The following SON variants were observed in gnomAD, a reference collection of about 807,000 sequenced individuals.
SON encodes protein SON.
In SON, 4 loss-of-function variants were observed where a neutral mutation model predicts 173.3. The observed-to-expected ratio is 0.02, with a 90% CI of 0.01 to 0.05. SON has a LOEUF of 0.05. SON is among the 10% of genes least tolerant of loss of function. The pLI is 1.00. For synonymous variants in SON, 1,190 were observed against 1,105.9 expected (o/e 1.08, Z -1.51); for missense variants, 2,626 against 3,055.3 (o/e 0.86, Z 3.31).
intron 8 of SON, chr21:33,569,699 GCT>G (rs2086243402): frequency 7.0e-6 from 3 of 426,998 alleles, no homozygotes; most frequent in Middle Eastern, 6.9e-4. Context: ...CCTAGTATTA[GCT>G]CTGCATGTGG....
chr21:33,547,746 G>A (rs1409495096), intron 2 of SON, among the ~76,000 whole-genome samples: 20 of 114,526 alleles, frequency 1.7e-4, no homozygotes, highest in African/African-American at 5.2e-4. Flanking sequence ...ACGGAGTCTC[G>A]CTCTGACGCC....
chr21:33,566,954 G>A (rs2086185430), intron 6 of SON, among the ~76,000 whole-genome samples: 1 of 152,124 alleles, frequency 6.6e-6, no homozygotes, highest in Non-Finnish European at 1.5e-5. Flanking sequence ...TGCGACCTGT[G>A]TGATACTTTG....
Position 33,554,326 on chromosome 21 carries a change from A to G in SON, c.5095A>G (p.Lys1699Glu), listed in dbSNP as rs1197443705. Residue 1699 changes from lysine (K) to glutamate (E), a missense_variant, in exon 3 of 12, where the codon AAA (lysine) becomes GAA (glutamate). Around this residue, in one of 13 missense-constraint regions of SON, gnomAD observed 1,006 missense variants for 895.6 expected, o/e 1.12. Coordinates refer to ENST00000356577, the MANE Select transcript of SON (RefSeq NM_138927.4). ...DQTLAALLSPKESSGGEKEVP... is the reference protein window; with the variant it reads ...DQTLAALLSPEESSGGEKEVP... ...GACATTAGCAGCTCTGCTCAGCCCT[A>G]AAGAAAGTAGTGGAGGAGAAAAAGA... The G allele has an allele frequency of 6.2e-7, 1 of 1,614,180 alleles. No individual in the cohort carries two copies. Among genetic ancestry groups the G allele is most frequent in the East Asian group, 2.2e-5 (1 of 44,884 alleles).
chr21:33,573,577 G>GA (rs2086334473), intron 9 of SON, 122 bp downstream of exon 9: 1 of 789,052 alleles, frequency 1.3e-6, no homozygotes, highest in Non-Finnish European at 1.9e-6. Flanking sequence ...GTATTTGTCA[G>GA]AAAAAACATT....
At chr21:33,574,527 C>T (rs1178316267) in intron 9 of SON, among the ~76,000 whole-genome samples, 1 of 152,142 alleles carries the variant, frequency 6.6e-6, no homozygotes, top group Admixed American at 6.5e-5. Flanking sequence ...CTGTAACATA[C>T]AGGATGAGCA....
chr21:33,559,407 C>A lies in SON; in HGVS notation c.6468+31C>A. On this transcript the variant is annotated intron_variant, in intron 5 of 11. Transcript: ENST00000356577. This position sits in a 1 kb window ranked among gnomAD's most constrained non-coding sequence, Gnocchi z 4.1. ...TATTAGTGCTTATGGATTGGTAAAA[C>A]AGTGTAACTTGTGGAACTATTTAAA... 1 of 1,567,548 alleles carries A rather than the reference C, an allele frequency of 6.4e-7. No individual in the cohort carries two copies.
chr21:33,550,794 G>A lies in SON; in HGVS notation c.1563G>A (p.Thr521=), dbSNP rs772386798. The part of the protein sequence containing the change: ...TELEQPVGMT[T]VEHPGHPEVT... ...TGGAGCAGCCTGTGGGGATGACAAC[G>A]GTGGAACATCCTGGGCATCCTGAGG... Residue 521 remains threonine (T), a synonymous_variant, in exon 3 of 12, where the codon ACG becomes ACA. Coordinates refer to ENST00000356577, the MANE Select transcript of SON (RefSeq NM_138927.4). The A allele has an allele frequency of 3.0e-5, 49 of 1,614,070 alleles. No homozygotes were observed. The Admixed American group carries it at 3.7e-4, about 12-fold the overall frequency.
At position 33,549,618 on chromosome 21, in the gene SON, T is replaced by C. The variant is rs74875843; in HGVS notation, c.387T>C (p.Tyr129=). 1.2e-6 allele frequency: 2 copies of C among 1,601,226 alleles called. No homozygotes were observed. Among genetic ancestry groups the C allele is most frequent in the African/African-American group, 1.4e-5 (1 of 73,812 alleles). Residue 129 remains tyrosine (Y), a synonymous_variant, in exon 3 of 12, where the codon TAT becomes TAC. Coordinates refer to ENST00000356577, the MANE Select transcript of SON (RefSeq NM_138927.4). ...AGAAGAAAGAAAAGGAAAAAAAATA[T>C]AAAAGACAGCCAGAAGAATCTGAGT... The part of the protein sequence containing the change: ...KKKKKEKEKK[Y]KRQPEESESK...
At chr21:33,556,808 GA>G (rs1302449717) in intron 3 of SON, among the ~76,000 whole-genome samples, 1 of 151,626 alleles carries the variant, frequency 6.6e-6, no homozygotes, top group Non-Finnish European at 1.5e-5. Flanking sequence ...TTTGTGAAAT[GA>G]AATAGGCTTT....
intron 2 of SON, 75 bp from the exon 3 acceptor site, chr21:33,549,400 TA>T: frequency 7.8e-7 from 1 of 1,285,340 alleles, no homozygotes; most frequent in Non-Finnish European, 1.1e-6. Flanking sequence ...ACATGGAATG[TA>T]AATATGGGTT....
intron 7 of SON, among the ~76,000 whole-genome samples, chr21:33,567,785 T>C (rs890462899): frequency 6.6e-6 from 1 of 152,048 alleles, no homozygotes; most frequent in Non-Finnish European, 1.5e-5. Flanking sequence ...TGGTGTTGCA[T>C]GCCTGTAATG....
In SON at chr21:33,575,658, G is replaced by A; in HGVS notation, c.7096G>A (p.Asp2366Asn). Residue 2366 changes from aspartate (D) to asparagine (N), a missense_variant, in exon 10 of 12, where the codon GAT (aspartate) becomes AAT (asparagine). Around this residue, in one of 13 missense-constraint regions of SON, gnomAD observed 11 missense variants for 18.7 expected, o/e 0.59. Transcript: ENST00000356577. ...TGGGAACTTCTCTGCTGCAATGAAAGATCTGTCAGGTGAGAGCACGTTTTT... is the reference window on the plus strand; with the variant it reads ...TGGGAACTTCTCTGCTGCAATGAAAAATCTGTCAGGTGAGAGCACGTTTTT... Reference protein sequence around the residue: ...RSGNFSAAMKDLSGKHPVSAL... With the variant: ...RSGNFSAAMKNLSGKHPVSAL... 1 of 1,613,096 alleles carries A rather than the reference G, an allele frequency of 6.2e-7. No individual in the cohort carries two copies.
rs1218121779 is a variant in SON at position 33,549,333 on chromosome 21, A to T, written c.245-143A>T. On this transcript the variant is annotated intron_variant, in intron 2 of 11. Coordinates refer to ENST00000356577, the MANE Select transcript of SON (RefSeq NM_138927.4). ...CATGATCCACCTGCCTTGGCCTCTC[A>T]GAGTGCTAAGATTACAGGCGTGAGC... 4.9e-6 allele frequency: 3 copies of T among 608,384 alleles called. No homozygotes were observed. In the African/African-American group the frequency reaches 5.8e-5, roughly 12 times the overall value. The allele number at this position is 608,384 out of a possible 1,614,324, so 37.7% of individuals were successfully genotyped here. A position where few individuals can be genotyped will look rare whatever the true frequency, so the allele number is the denominator to read the frequency against.
chr21:33,543,925 T>A (rs2085541093), intron 1 of SON, among the ~76,000 whole-genome samples: 1 of 152,248 alleles, frequency 6.6e-6, no homozygotes, highest in Non-Finnish European at 1.5e-5. Flanking sequence ...AGACTTTACA[T>A]AATTTGCGCT....
chr21:33,550,134 G>C lies in SON; in HGVS notation c.903G>C (p.Glu301Asp). ...AGCCCCCAGTAGCAAAAGTGTTAGA[G>C]CCTTCAGAAACCCTTGTGGTATCAT... ...LVEPPVAKVL[E>D]PSETLVVSSE... The change falls in exon 3 of 12, where the codon GAG becomes GAC. Residue 301 changes from glutamate (E) to aspartate (D), a missense_variant. Transcript: ENST00000356577. 1 of 1,614,176 alleles carries C rather than the reference G, an allele frequency of 6.2e-7. No homozygotes were observed. The highest frequency in any genetic ancestry group is 8.5e-7 in the Non-Finnish European group (1 of 1,180,048).
rs781373122 is a variant in SON at position 33,554,892 on chromosome 21, A to C, written c.5661A>C (p.Ser1887=). The C allele has an allele frequency of 6.2e-7, 1 of 1,614,214 alleles. No homozygotes were observed. The highest frequency in any genetic ancestry group is 2.2e-5 in the East Asian group (1 of 44,894). Residue 1887 remains serine (S), a synonymous_variant, in exon 3 of 12, where the codon TCA becomes TCC. Coordinates refer to ENST00000356577, the MANE Select transcript of SON (RefSeq NM_138927.4). ...RSKSRGRRSV[S]KEKRKRSPKH... ...AGTCTAGAGGAAGAAGATCTGTATC[A>C]AAAGAGAAGCGCAAAAGATCTCCAA...
At chr21:33,545,549 C>T (rs1304358118) in intron 1 of SON, among the ~76,000 whole-genome samples, 1 of 152,038 alleles carries the variant, frequency 6.6e-6, no homozygotes, top group Non-Finnish European at 1.5e-5. Context: ...TTTCTCTGGC[C>T]CTGTGAATGG....
At chr21:33,561,519 C>G (rs958972293) in intron 6 of SON, among the ~76,000 whole-genome samples, 3 of 152,084 alleles carry the variant, frequency 2.0e-5, no homozygotes, top group Non-Finnish European at 4.4e-5. Context: ...TTGCAGAATT[C>G]CAAGGGATCT....
chr21:33,555,158 G>T lies in SON; in HGVS notation c.5927G>T (p.Arg1976Leu). 6.6e-7 allele frequency: 1 copy of T among 1,515,614 alleles called. No homozygotes were observed. The highest frequency in any genetic ancestry group is 2.7e-5 in the East Asian group (1 of 37,098). The allele number at this position is 1,515,614 out of a possible 1,614,324, so 93.9% of individuals were successfully genotyped here. ...TPSRRSRTPSRRSRTPSRRSR... is the reference protein window; with the variant it reads ...TPSRRSRTPSLRSRTPSRRSR... ...AGCCGCCGCAGCCGCACCCCCAGCC[G>T]CCGCAGCCGCACCCCCAGCCGCCGG... The change falls in exon 3 of 12, where the codon CGC becomes CTC. Residue 1976 changes from arginine (R) to leucine (L), a missense_variant. Physicochemically the swap from Arg to Leu is moderately radical, Grantham distance 102. Around this residue, in one of 13 missense-constraint regions of SON, gnomAD observed 138 missense variants for 222.9 expected, o/e 0.62. Transcript: ENST00000356577.
Sources: allele counts gnomAD v4.1 joint callset (sites outside exome capture counted in the v4.1 genomes callset), GRCh38; gene constraint gnomAD v4.1.1; regional missense constraint gnomAD v4.1.1; non-coding constraint Gnocchi (gnomAD v3.1); transcripts MANE v1.5; gene names NCBI Gene and HGNC (gene_info 2026-07-23, HGNC 2026-07-21).